The following PTPRT variants were observed in gnomAD, a reference collection of about 807,000 sequenced individuals.
PTPRT encodes receptor-type tyrosine-protein phosphatase T.
Under a neutral mutation model 176.8 loss-of-function variants are expected in PTPRT, and 56 were observed. That is an observed-to-expected ratio of 0.32 (90% CI 0.26 to 0.40). The LOEUF (loss-of-function observed/expected upper bound fraction) is 0.40, where lower values mean the gene tolerates loss of function less well. Among genes scored for constraint, PTPRT ranks in the 10% least tolerant of loss-of-function variants. The pLI is 1.00. For missense variants in PTPRT, 1,540 were observed against 1,908.2 expected (o/e 0.81, Z 3.60); for synonymous variants, 783 against 739.0 (o/e 1.06, Z -0.96).
At chr20:42,535,179 A>T (rs930799804) in intron 7 of PTPRT, among the ~76,000 whole-genome samples, 1 of 152,208 alleles carries the variant, frequency 6.6e-6, no homozygotes, top group East Asian at 1.9e-4. Context: ...TTGCAGCAAC[A>T]TGAATAGAGC....
chr20:42,606,728 C>T (rs1035706642), intron 7 of PTPRT: 2 of 152,176 alleles, frequency 1.3e-5, no homozygotes, highest in Non-Finnish European at 2.9e-5. Flanking sequence ...AATTTATTTG[C>T]TCTACATGGT....
chr20:43,030,271 TACA>T (rs1436284830), intron 1 of PTPRT, among the ~76,000 whole-genome samples: 1 of 152,230 alleles, frequency 6.6e-6, no homozygotes, highest in African/African-American at 2.4e-5. Flanking sequence ...TGGCAAGTTT[TACA>T]ACAAGATGCA....
intron 1 of PTPRT, among the ~76,000 whole-genome samples, chr20:43,037,334 TA>T (rs1157975804): frequency 2.0e-5 from 3 of 152,258 alleles, no homozygotes; most frequent in African/African-American, 7.2e-5. Flanking sequence ...TTTGACTACA[TA>T]AATAACCGTT....
intron 27 of PTPRT, among the ~76,000 whole-genome samples, chr20:42,095,649 C>G (rs1292291715): frequency 6.6e-6 from 1 of 152,246 alleles, no homozygotes; most frequent in Non-Finnish European, 1.5e-5. Flanking sequence ...TTTCCAAACA[C>G]TCGTGTCAGC....
At chr20:42,913,508 C>T (rs1159446484) in intron 1 of PTPRT, among the ~76,000 whole-genome samples, 1 of 152,060 alleles carries the variant, frequency 6.6e-6, no homozygotes, top group Non-Finnish European at 1.5e-5. Context: ...CAGGGTCCAC[C>T]CTAAGGACCT....
chr20:42,432,502 G>A (rs1040610176), intron 9 of PTPRT, among the ~76,000 whole-genome samples: 2 of 152,124 alleles, frequency 1.3e-5, no homozygotes, highest in Admixed American at 6.5e-5. Context: ...TGGCCATGGG[G>A]GAAAGGAAAT....
chr20:42,818,278 T>C (rs1176663691), intron 2 of PTPRT, among the ~76,000 whole-genome samples: 1 of 151,524 alleles, frequency 6.6e-6, no homozygotes, highest in Non-Finnish European at 1.5e-5. Flanking sequence ...GAAGCCCTAA[T>C]GAAGAGGGAC....
chr20:42,874,237 C>A (rs936515456), intron 2 of PTPRT, among the ~76,000 whole-genome samples: 23 of 152,102 alleles, frequency 1.5e-4, no homozygotes, highest in African/African-American at 5.6e-4. Context: ...TCTCTGTGGT[C>A]CTGTTAAATG....
chr20:42,153,697 C>G (rs2146468981), intron 17 of PTPRT, among the ~76,000 whole-genome samples: 1 of 152,290 alleles, frequency 6.6e-6, no homozygotes, highest in South Asian at 2.1e-4. Flanking sequence ...TCACTTCAGG[C>G]TACAGACTTC....
intron 7 of PTPRT, among the ~76,000 whole-genome samples, chr20:42,595,536 C>T (rs2073655402): frequency 6.6e-6 from 1 of 152,156 alleles, no homozygotes; most frequent in African/African-American, 2.4e-5. Flanking sequence ...ATAATCCACA[C>T]CTGAGCTAAG....
At chr20:42,460,914 A>G (rs2071007682) in intron 8 of PTPRT, among the ~76,000 whole-genome samples, 1 of 152,206 alleles carries the variant, frequency 6.6e-6, no homozygotes. Context: ...TTTAAAAGGA[A>G]CCAGCAAACT....
At chr20:42,904,771 C>T (rs1447628888) in intron 1 of PTPRT, among the ~76,000 whole-genome samples, 2 of 152,132 alleles carry the variant, frequency 1.3e-5, no homozygotes, top group South Asian at 2.1e-4. Flanking sequence ...CACACATCTA[C>T]AACCATCTGA....
chr20:42,593,767 G>C (rs568620335), intron 7 of PTPRT, among the ~76,000 whole-genome samples: 4 of 152,292 alleles, frequency 2.6e-5, no homozygotes, highest in African/African-American at 9.6e-5. Flanking sequence ...AGCTATCTTG[G>C]AACTGTTTCC....
intron 2 of PTPRT, among the ~76,000 whole-genome samples, chr20:42,880,858 T>G (rs866694781): frequency 4.6e-5 from 7 of 152,054 alleles, no homozygotes; most frequent in Middle Eastern, 3.5e-3. Flanking sequence ...GACACAAAAG[T>G]AGTTGTGGTT....
At chr20:42,612,844 C>T (rs2073997657) in intron 7 of PTPRT, among the ~76,000 whole-genome samples, 1 of 151,686 alleles carries the variant, frequency 6.6e-6, no homozygotes, top group Non-Finnish European at 1.5e-5. Flanking sequence ...CAAAATGGAC[C>T]ATGGTCCACC....
chr20:42,823,403 G>A (rs191881769), intron 2 of PTPRT, among the ~76,000 whole-genome samples: 16 of 152,058 alleles, frequency 1.1e-4, no homozygotes, highest in Non-Finnish European at 1.5e-4. Context: ...GGCAGGGTGA[G>A]GGGAGGGAAC....
chr20:42,253,165 G>A (rs2056577072), intron 13 of PTPRT, among the ~76,000 whole-genome samples: 1 of 152,210 alleles, frequency 6.6e-6, no homozygotes, highest in Non-Finnish European at 1.5e-5. Flanking sequence ...TTGTGGCAGA[G>A]TCAGGTGTGG....
chr20:42,621,582 G>T (rs1004962881), intron 7 of PTPRT, among the ~76,000 whole-genome samples: 1 of 152,098 alleles, frequency 6.6e-6, no homozygotes, highest in East Asian at 1.9e-4. Context: ...TTTAAATATG[G>T]AATTCCTTGG....
intron 6 of PTPRT, among the ~76,000 whole-genome samples, chr20:42,755,652 T>C (rs376644765): frequency 5.3e-4 from 81 of 152,092 alleles, no homozygotes; most frequent in African/African-American, 1.9e-3. Context: ...CTCCCAACTC[T>C]ACCCCCAGGG....
Sources: gnomAD v4.1 joint callset for allele counts (sites outside exome capture counted in the v4.1 genomes callset) on GRCh38, gnomAD v4.1.1 for gene constraint, MANE v1.5 for transcripts, NCBI Gene and HGNC (gene_info 2026-07-23, HGNC 2026-07-21) for gene names.